ITFG1: variants seen among roughly 807,000 people sequenced by gnomAD.
ITFG1 encodes T-cell immunomodulatory protein.
Under a neutral mutation model 81.8 loss-of-function variants are expected in ITFG1, and 34 were observed. The ratio of observed to expected loss-of-function variants is 0.42; its 90% CI spans 0.32 to 0.55. The LOEUF is 0.55. ITFG1 is among the 20% of genes least tolerant of loss of function. The pLI, the probability that ITFG1 is intolerant of heterozygous loss-of-function variation, is 0.17. For missense variants in ITFG1, 672 were observed against 755.4 expected, an observed-to-expected ratio of 0.89 and a Z score of 1.29; for synonymous variants, 285 against 270.6, an observed-to-expected ratio of 1.05 and a Z score of -0.52.
intron 10 of ITFG1, among the ~76,000 whole-genome samples, chr16:47,262,204 C>G (rs1966217694): frequency 1.3e-5 from 2 of 152,032 alleles, no homozygotes; most frequent in South Asian, 4.1e-4. Flanking sequence ...TTTACCAGAA[C>G]AATTCTTTAA....
chr16:47,175,393 A>G (rs1965012295), intron 14 of ITFG1, among the ~76,000 whole-genome samples: 1 of 151,562 alleles, frequency 6.6e-6, no homozygotes, highest in Non-Finnish European at 1.5e-5. Flanking sequence ...TTTTAATTAA[A>G]TAAACAAGAA....
At chr16:47,451,724 T>C (rs1021522752) in intron 4 of ITFG1, among the ~76,000 whole-genome samples, 9 of 152,184 alleles carry the variant, frequency 5.9e-5, no homozygotes, top group Non-Finnish European at 1.0e-4. Context: ...GTGATTCAGA[T>C]GGACTAGCTA....
At chr16:47,336,483 T>A (rs1567465124) in intron 8 of ITFG1, among the ~76,000 whole-genome samples, 1 of 152,196 alleles carries the variant, frequency 6.6e-6, no homozygotes, top group Non-Finnish European at 1.5e-5. Context: ...CTAACGTGTC[T>A]AGGGACTATC....
At chr16:47,227,924 G>T (rs1965774726) in intron 13 of ITFG1, among the ~76,000 whole-genome samples, 1 of 152,108 alleles carries the variant, frequency 6.6e-6, no homozygotes, top group South Asian at 2.1e-4. Context: ...ACTGGCATTT[G>T]TCTTTATCTT....
chr16:47,364,959 G>A (rs755392710), intron 8 of ITFG1, among the ~76,000 whole-genome samples: 4 of 152,206 alleles, frequency 2.6e-5, no homozygotes, highest in East Asian at 1.9e-4. Context: ...GGCTATAGGC[G>A]AGAGCCACTG....
chr16:47,177,741 G>A (rs1424813717), intron 14 of ITFG1, among the ~76,000 whole-genome samples: 1 of 151,962 alleles, frequency 6.6e-6, no homozygotes, highest in East Asian at 1.9e-4. Flanking sequence ...AAAATCCCAG[G>A]GACCACCTTT....
intron 14 of ITFG1, among the ~76,000 whole-genome samples, chr16:47,201,105 GATA>G (rs1315994328): frequency 6.6e-6 from 1 of 151,984 alleles, no homozygotes; most frequent in Non-Finnish European, 1.5e-5. Context: ...CTATATACCT[GATA>G]ATGGGACTCA....
intron 8 of ITFG1, among the ~76,000 whole-genome samples, chr16:47,331,343 AG>A (rs1381910364): frequency 6.6e-6 from 1 of 152,112 alleles, no homozygotes; most frequent in Non-Finnish European, 1.5e-5. Context: ...CAGAGGGAAG[AG>A]GGCAAGGGCT....
chr16:47,284,870 A>C (rs1966863780), intron 10 of ITFG1, among the ~76,000 whole-genome samples: 1 of 152,184 alleles, frequency 6.6e-6, no homozygotes. Flanking sequence ...CTTGAATCAC[A>C]CATATATTTA....
chr16:47,213,254 G>T (rs1965585663), intron 14 of ITFG1, among the ~76,000 whole-genome samples: 1 of 152,094 alleles, frequency 6.6e-6, no homozygotes, highest in African/African-American at 2.4e-5. Context: ...GTTCATTGTG[G>T]TTGGAGAATA....
At chr16:47,305,969 C>T (rs1967151492) in intron 10 of ITFG1, among the ~76,000 whole-genome samples, 1 of 152,254 alleles carries the variant, frequency 6.6e-6, no homozygotes, top group South Asian at 2.1e-4. Context: ...GTGTAAATAA[C>T]TGTAGCAACA....
At chr16:47,214,941 C>G (rs998809039) in intron 14 of ITFG1, among the ~76,000 whole-genome samples, 1 of 151,926 alleles carries the variant, frequency 6.6e-6, no homozygotes, top group Non-Finnish European at 1.5e-5. Flanking sequence ...CACACACACA[C>G]ACACACACAC....
intron 5 of ITFG1, among the ~76,000 whole-genome samples, chr16:47,437,469 T>C (rs1428441641): frequency 7.5e-6 from 1 of 132,768 alleles, no homozygotes. Flanking sequence ...GTCCATCTCC[T>C]GAAAAAAAAA....
At chr16:47,159,432 T>C (rs1438901519) in intron 16 of ITFG1, among the ~76,000 whole-genome samples, 1 of 152,182 alleles carries the variant, frequency 6.6e-6, no homozygotes, top group Admixed American at 6.5e-5. Flanking sequence ...TTGACCTGTG[T>C]CACATATATA....
chr16:47,198,487 T>A (rs896805562), intron 14 of ITFG1, among the ~76,000 whole-genome samples: 4 of 152,200 alleles, frequency 2.6e-5, no homozygotes, highest in African/African-American at 4.8e-5. Flanking sequence ...TACATAATAG[T>A]TGATAGTGAT....
intron 13 of ITFG1, among the ~76,000 whole-genome samples, chr16:47,225,015 C>T (rs1267410544): frequency 2.0e-5 from 3 of 151,710 alleles, no homozygotes; most frequent in Non-Finnish European, 2.9e-5. Context: ...AAAGATTCTT[C>T]AAAGAATTAA....
chr16:47,180,143 G>T (rs1965087587), intron 14 of ITFG1, among the ~76,000 whole-genome samples: 1 of 152,174 alleles, frequency 6.6e-6, no homozygotes, highest in Non-Finnish European at 1.5e-5. Context: ...TAGGCACTTA[G>T]TAGATGTCTG....
chr16:47,162,296 GGGA>G (rs1365546292), intron 15 of ITFG1, among the ~76,000 whole-genome samples: 3 of 152,018 alleles, frequency 2.0e-5, no homozygotes, highest in Non-Finnish European at 2.9e-5. Flanking sequence ...GCAGGATAGA[GGGA>G]TAGGTGACGT....
chr16:47,353,073 G>T (rs371734908), intron 8 of ITFG1, among the ~76,000 whole-genome samples: 6 of 151,998 alleles, frequency 3.9e-5, no homozygotes, highest in Non-Finnish European at 8.8e-5. Context: ...GTAGGGTGAG[G>T]GGGGAGGGAT....
Sources: gnomAD v4.1 joint callset for allele counts (sites outside exome capture counted in the v4.1 genomes callset) on GRCh38, gnomAD v4.1.1 for gene constraint, MANE v1.5 for transcripts, NCBI Gene and HGNC (gene_info 2026-07-23, HGNC 2026-07-21) for gene names.